The following PANK1 variants were observed in gnomAD, a reference collection of about 807,000 sequenced individuals.
PANK1 encodes pantothenic acid kinase 1.
In PANK1, 18 loss-of-function variants were observed where a neutral mutation model predicts 40.1. That is an observed-to-expected ratio of 0.45 (90% CI 0.31 to 0.67). The LOEUF (loss-of-function observed/expected upper bound fraction) is 0.67, where lower values mean the gene tolerates loss of function less well. Ranked by LOEUF, PANK1 falls within the 30% of genes least tolerant of loss-of-function variation. The pLI, the probability that PANK1 is intolerant of heterozygous loss-of-function variation, is 0.06. For missense variants in PANK1, 457 were observed against 599.6 expected (o/e 0.76, Z 2.48); for synonymous variants, 242 against 237.7 (o/e 1.02, Z -0.17).
At chr10:89,631,088 T>TA (rs1841628011) in intron 1 of PANK1, among the ~76,000 whole-genome samples, 1 of 152,198 alleles carries the variant, frequency 6.6e-6, no homozygotes, top group Non-Finnish European at 1.5e-5. Context: ...TGTACACCAT[T>TA]ACCTAAGACT....
At chr10:89,595,151 T>C (rs1186359700) in intron 3 of PANK1, among the ~76,000 whole-genome samples, 1 of 152,232 alleles carries the variant, frequency 6.6e-6, no homozygotes, top group Non-Finnish European at 1.5e-5. Flanking sequence ...TTCTTGAAGA[T>C]GCATCTAAAA....
chr10:89,599,536 T>C (rs1194600841), intron 2 of PANK1, 31 bp from the exon 3 acceptor site: 6 of 1,595,216 alleles, frequency 3.8e-6, no homozygotes, highest in Admixed American at 3.5e-5. Flanking sequence ...AAATAAAACC[T>C]TGTGAGATAG....
chr10:89,624,288 G>A (rs1845595474), intron 1 of PANK1, among the ~76,000 whole-genome samples: 2 of 152,104 alleles, frequency 1.3e-5, no homozygotes, highest in Non-Finnish European at 2.9e-5. Context: ...AGGCACCCAT[G>A]AAAATAATTT....
chr10:89,623,587 T>G (rs970110612), intron 1 of PANK1, among the ~76,000 whole-genome samples: 1 of 152,128 alleles, frequency 6.6e-6, no homozygotes, highest in African/African-American at 2.4e-5. Flanking sequence ...TTTTAAATTC[T>G]TAAAAACTTC....
chr10:89,644,340 C>A (rs1318446795), intron 1 of PANK1, among the ~76,000 whole-genome samples: 1 of 152,208 alleles, frequency 6.6e-6, no homozygotes, highest in African/African-American at 2.4e-5. Context: ...TATCCTTGAC[C>A]TAGGGACCCG....
At position 89,645,108 on chromosome 10, in the gene PANK1, G is replaced by T; in HGVS notation, c.-217C>A. ...GCCCCCCGCGCGCCGGCCCCACGGC[G>T]CCGGCCTGGAGCACGCCAGCCCCGG... On this transcript the variant is annotated 5_prime_UTR_variant, in exon 1 of 7. Coordinates refer to ENST00000307534, the MANE Select transcript of PANK1 (RefSeq NM_148977.3). 3.4e-6 allele frequency: 5 copies of T among 1,473,624 alleles called. No homozygotes were observed. The highest frequency in any genetic ancestry group is 3.6e-6 in the Non-Finnish European group (4 of 1,119,470). The allele number at this position is 1,473,624 out of a possible 1,614,324, so 91.3% of individuals were successfully genotyped here.
intron 1 of PANK1, among the ~76,000 whole-genome samples, chr10:89,635,291 G>T (rs750184680): frequency 6.6e-6 from 1 of 152,134 alleles, no homozygotes; most frequent in East Asian, 1.9e-4. Context: ...CAATTCTAGA[G>T]GCTAGTAAGG....
chr10:89,612,606 T>C (rs1024015893), intron 1 of PANK1, among the ~76,000 whole-genome samples: 1 of 152,190 alleles, frequency 6.6e-6, no homozygotes, highest in Non-Finnish European at 1.5e-5. Context: ...TTCCACTGTT[T>C]TAATCTATAC....
At position 89,588,644 on chromosome 10, in the gene PANK1, C is replaced by G. The variant is rs1246025499; in HGVS notation, c.1326+8G>C. On this transcript the variant is annotated splice_region_variant and intron_variant, in intron 6 of 6. Transcript: ENST00000307534. ...ATATGACAGTAAGTCTATGCAAGCT[C>G]AACCTACCTCATGTTCCAAAAACAG... 6.3e-7 allele frequency: 1 copy of G among 1,594,338 alleles called. No individual in the cohort carries two copies. Among genetic ancestry groups the G allele is most frequent in the South Asian group, 1.2e-5 (1 of 86,282 alleles).
chr10:89,609,174 C>T (rs972420968), intron 2 of PANK1, among the ~76,000 whole-genome samples: 1 of 152,172 alleles, frequency 6.6e-6, no homozygotes, highest in African/African-American at 2.4e-5. Flanking sequence ...AAGAGGTTCT[C>T]GTGCCTCAGC....
In PANK1 at chr10:89,593,208, C is replaced by T. The variant is rs980498963; in HGVS notation, c.1189G>A (p.Ala397Thr). The change falls in exon 5 of 7, where the codon GCG becomes ACG. Residue 397 changes from alanine to threonine, a missense_variant. Ala to Thr is a moderately conservative substitution (Grantham distance 58). This residue lies in a region of PANK1 where 286 missense variants were observed against 415.8 expected (regional missense o/e 0.69). Transcript: ENST00000307534. ...GAGTAAGGCCTTACCTCATTCAACG[C>T]GCACATCCGAGCAATGGAGCCAATG... Reference protein sequence around the residue: ...NNIGSIARMCALNENIDRVVF... With the variant: ...NNIGSIARMCTLNENIDRVVF... 2.1e-5 allele frequency: 34 copies of T among 1,613,616 alleles called. No individual in the cohort carries two copies. Among genetic ancestry groups the T allele is most frequent in the Middle Eastern group, 3.3e-4 (2 of 6,074 alleles).
At chr10:89,623,002 T>C (rs571433707) in intron 1 of PANK1, among the ~76,000 whole-genome samples, 1 of 152,312 alleles carries the variant, frequency 6.6e-6, no homozygotes, top group Admixed American at 6.5e-5. Flanking sequence ...CATTTAATGA[T>C]GTGAGACAAA....
intron 1 of PANK1, among the ~76,000 whole-genome samples, chr10:89,638,042 C>T (rs1841872449): frequency 6.6e-6 from 1 of 152,150 alleles, no homozygotes; most frequent in African/African-American, 2.4e-5. Context: ...TCCACACCCA[C>T]ATCTTGTCCC....
rs138567298 is a variant in PANK1 at position 89,642,446 on chromosome 10, G to C, written c.292+2154C>G. Among the ~76,000 whole-genome samples the C allele has an allele frequency of 2.3e-4, 35 of 152,344 alleles. No homozygotes were observed. The East Asian group carries it at 6.2e-3, about 27-fold the overall frequency. On this transcript the variant is annotated intron_variant, in intron 1 of 6. Transcript: ENST00000307534. ...CCAGGAGGAAATAATTATGTGTCTAGCTTGATGCTTCGCCACCAGCACACA... is the reference window on the plus strand; with the variant it reads ...CCAGGAGGAAATAATTATGTGTCTACCTTGATGCTTCGCCACCAGCACACA...
At chr10:89,639,699 C>T (rs760277661) in intron 1 of PANK1, among the ~76,000 whole-genome samples, 1 of 152,232 alleles carries the variant, frequency 6.6e-6, no homozygotes, top group Non-Finnish European at 1.5e-5. Flanking sequence ...CACTAGGGCC[C>T]TGCCCAGCAA....
intron 5 of PANK1, among the ~76,000 whole-genome samples, chr10:89,589,452 C>T (rs1166602133): frequency 6.6e-6 from 1 of 152,146 alleles, no homozygotes; most frequent in Non-Finnish European, 1.5e-5. Flanking sequence ...AAGCTTCTAG[C>T]TCCAGTGCAC....
At chr10:89,597,591 A>G (rs1589769630) in intron 3 of PANK1, among the ~76,000 whole-genome samples, 1 of 152,212 alleles carries the variant, frequency 6.6e-6, no homozygotes, top group East Asian at 1.9e-4. Context: ...GCAGCTATCC[A>G]AGATGACCCA....
chr10:89,601,647 C>T (rs140393856), intron 2 of PANK1, among the ~76,000 whole-genome samples: 3 of 152,246 alleles, frequency 2.0e-5, no homozygotes, highest in East Asian at 3.9e-4. Context: ...GAATAGGTTA[C>T]CAACCAGATA....
rs376282917 is a variant in PANK1 at position 89,605,530 on chromosome 10, C to A, written c.646-6025G>T. Among the ~76,000 whole-genome samples, 6 of 152,324 alleles carry A rather than the reference C, an allele frequency of 3.9e-5. No individual in the cohort carries two copies. The East Asian group carries it at 7.7e-4, about 20-fold the overall frequency. ...CATCCATAAGAGGTAACTCTTCATT[C>A]TTTCAAGTTTTATCATGAGATTGTA... is the stretch of plus-strand genomic sequence containing the variant. On this transcript the variant is annotated intron_variant, in intron 2 of 6. Coordinates refer to ENST00000307534, the MANE Select transcript of PANK1 (RefSeq NM_148977.3).
Sources: allele counts gnomAD v4.1 joint callset (sites outside exome capture counted in the v4.1 genomes callset), GRCh38; gene constraint gnomAD v4.1.1; regional missense constraint gnomAD v4.1.1; transcripts MANE v1.5; gene names NCBI Gene and HGNC (gene_info 2026-07-23, HGNC 2026-07-21).